Variants in ZNF609 observed in about 807,000 individuals in gnomAD.
ZNF609 encodes zinc finger protein 609.
In ZNF609, 11 loss-of-function variants were observed where a neutral mutation model predicts 109.5. The ratio of observed to expected loss-of-function variants is 0.10; its 90% CI spans 0.06 to 0.17. ZNF609 has a LOEUF of 0.17. Among genes scored for constraint, ZNF609 ranks in the 10% least tolerant of loss-of-function variants. The probability of loss-of-function intolerance (pLI) is 1.00; values close to 1 mark genes in which losing one functional copy is unlikely to be tolerated. For synonymous variants in ZNF609, 646 were observed against 662.0 expected, an observed-to-expected ratio of 0.98 and a Z score of 0.37; for missense variants, 1,559 against 1,772.4, an observed-to-expected ratio of 0.88 and a Z score of 2.16.
chr15:64,561,879 A>G (rs543239038), intron 2 of ZNF609, among the ~76,000 whole-genome samples: 4 of 152,326 alleles, frequency 2.6e-5, no homozygotes, highest in African/African-American at 9.6e-5. Context: ...AAGTCATTCA[A>G]TTATTTTTCA....
At chr15:64,679,299 C>T (rs1256587903) in intron 6 of ZNF609, among the ~76,000 whole-genome samples, 3 of 152,116 alleles carry the variant, frequency 2.0e-5, no homozygotes, top group Non-Finnish European at 4.4e-5. Context: ...CTTGAACTCC[C>T]GACCTCAGGT....
At chr15:64,529,499 C>T (rs1894023333) in intron 2 of ZNF609, 1 of 1,124,362 alleles carries the variant, frequency 8.9e-7, no homozygotes, top group African/African-American at 1.5e-5. Context: ...TTGACGGTGC[C>T]ATGGAATTTG....
chr15:64,635,539 C>G (rs1321902197), intron 3 of ZNF609, among the ~76,000 whole-genome samples: 6 of 152,136 alleles, frequency 3.9e-5, no homozygotes, highest in Admixed American at 1.3e-4. Flanking sequence ...ATTTACAACT[C>G]TGTAATCATT....
intron 1 of ZNF609, among the ~76,000 whole-genome samples, chr15:64,464,328 T>C (rs927667780): frequency 6.6e-6 from 1 of 152,214 alleles, no homozygotes; most frequent in African/African-American, 2.4e-5. Context: ...AGCAATGATA[T>C]GTGTTCTCCA....
At chr15:64,539,454 G>A (rs907753120) in intron 2 of ZNF609, among the ~76,000 whole-genome samples, 12 of 151,380 alleles carry the variant, frequency 7.9e-5, no homozygotes, top group African/African-American at 1.9e-4. Flanking sequence ...TGATCCACCC[G>A]CCTTGGCCTC....
chr15:64,559,425 G>T (rs1397176469), intron 2 of ZNF609, among the ~76,000 whole-genome samples: 1 of 152,196 alleles, frequency 6.6e-6, no homozygotes, highest in Non-Finnish European at 1.5e-5. Context: ...GAGCCCCTGG[G>T]GTGTGTAGCA....
At chr15:64,463,982 T>C (rs1892977049) in intron 1 of ZNF609, among the ~76,000 whole-genome samples, 1 of 152,132 alleles carries the variant, frequency 6.6e-6, no homozygotes, top group Non-Finnish European at 1.5e-5. Flanking sequence ...ACAAGGAATC[T>C]CATGTGAGTC....
chr15:64,509,371 G>A (rs1484152305), intron 2 of ZNF609, among the ~76,000 whole-genome samples: 1 of 152,218 alleles, frequency 6.6e-6, no homozygotes, highest in African/African-American at 2.4e-5. Flanking sequence ...AAAGAGTTAA[G>A]CATTCAGCAC....
chr15:64,563,393 G>A (rs1360538333), intron 2 of ZNF609, among the ~76,000 whole-genome samples: 3 of 151,144 alleles, frequency 2.0e-5, no homozygotes, highest in African/African-American at 7.3e-5. Context: ...CGAGGCTGCA[G>A]TGAGCCATGA....
chr15:64,675,924 A>G lies in ZNF609; in HGVS notation c.3070A>G (p.Lys1024Glu), dbSNP rs1270217011. Residue 1024 changes from lysine to glutamate, a missense_variant, in exon 5 of 10, where the codon AAG becomes GAG. Lys to Glu is a moderately conservative substitution (Grantham distance 56). Around this residue, in one of 4 missense-constraint regions of ZNF609, gnomAD observed 1,204 missense variants for 1,314.1 expected, o/e 0.92. Coordinates refer to ENST00000326648, the MANE Select transcript of ZNF609 (RefSeq NM_015042.2). Reference sequence around the variant, plus strand: ...GCAGCAGCAGCGGGGAGTGGACAAGAAGGCAGAGATGGGCCTGAAGGAGCG... The same window carrying G: ...GCAGCAGCAGCGGGGAGTGGACAAGGAGGCAGAGATGGGCCTGAAGGAGCG... Reference protein sequence around the residue: ...LEQQQRGVDKKAEMGLKEREA... With the variant: ...LEQQQRGVDKEAEMGLKEREA... 10 of 1,614,078 alleles carry G rather than the reference A, an allele frequency of 6.2e-6. No homozygotes were observed. The highest frequency in any genetic ancestry group is 7.6e-6 in the Non-Finnish European group (9 of 1,180,040).
chr15:64,468,486 A>G (rs1290534078), intron 1 of ZNF609, among the ~76,000 whole-genome samples: 4 of 151,850 alleles, frequency 2.6e-5, no homozygotes, highest in Non-Finnish European at 5.9e-5. Context: ...TCCTGGGCTC[A>G]AGCCATCCTC....
intron 2 of ZNF609, chr15:64,500,582 G>T (rs1449569296): frequency 3.3e-6 from 2 of 600,996 alleles, no homozygotes; most frequent in Non-Finnish European, 5.9e-6. Context: ...TGGTGATAAT[G>T]TAGATTGAGT....
chr15:64,624,001 G>T (rs1478578092), intron 3 of ZNF609, among the ~76,000 whole-genome samples: 1 of 152,108 alleles, frequency 6.6e-6, no homozygotes, highest in African/African-American at 2.4e-5. Flanking sequence ...GAGCTATTTT[G>T]TCAGTCTGCC....
intron 2 of ZNF609, among the ~76,000 whole-genome samples, chr15:64,550,534 T>C (rs928242839): frequency 1.3e-5 from 2 of 150,538 alleles, no homozygotes; most frequent in African/African-American, 4.9e-5. Flanking sequence ...TTTTTAAAAA[T>C]AAATAATTAA....
chr15:64,538,550 A>G (rs1894191830), intron 2 of ZNF609, among the ~76,000 whole-genome samples: 1 of 151,870 alleles, frequency 6.6e-6, no homozygotes, highest in African/African-American at 2.4e-5. Context: ...TTTATTATTT[A>G]TTTTTATTTT....
At chr15:64,495,396 G>T (rs772360971) in intron 1 of ZNF609, among the ~76,000 whole-genome samples, 6 of 151,916 alleles carry the variant, frequency 3.9e-5, no homozygotes, top group African/African-American at 7.3e-5. Flanking sequence ...TTTTTTGTTT[G>T]CTGGTTGAAT....
rs191611574 is a variant in ZNF609, at chr15:64,537,510, A to G, written c.747+37344A>G. Reference sequence around the variant, plus strand: ...AGAGTGAAACTCTGTCTCAAAAAAAAAAAAAGAAAAAGAAAAAAAAGAGCA... The same window carrying G: ...AGAGTGAAACTCTGTCTCAAAAAAAGAAAAAGAAAAAGAAAAAAAAGAGCA... On this transcript the variant is annotated intron_variant, in intron 2 of 9. Transcript: ENST00000326648. 6.0e-3 allele frequency among the ~76,000 whole-genome samples: 911 copies of G among 151,896 alleles called. 6 individuals are homozygous for G. The highest frequency in any genetic ancestry group is 0.012 in the South Asian group (60 of 4,828).
chr15:64,507,941 A>G lies in ZNF609; in HGVS notation c.747+7775A>G, dbSNP rs147561005. Reference sequence around the variant, plus strand: ...TCATGGTTCAGAGCACCCACAGAAGAACCTTTCCTGGCTGACCGAGGAGAC... The same window carrying G: ...TCATGGTTCAGAGCACCCACAGAAGGACCTTTCCTGGCTGACCGAGGAGAC... On this transcript the variant is annotated intron_variant, in intron 2 of 9. Transcript: ENST00000326648. 4.2e-3 allele frequency among the ~76,000 whole-genome samples: 644 copies of G among 152,294 alleles called. 9 individuals carry two copies. Among genetic ancestry groups the G allele is most frequent in the African/African-American group, 0.015 (612 of 41,562 alleles).
chr15:64,609,064 T>C (rs7497606), intron 2 of ZNF609, among the ~76,000 whole-genome samples: 1,716 of 118,966 alleles, frequency 0.014, 35 homozygotes, highest in South Asian at 0.029. Flanking sequence ...TAGTTTTAAT[T>C]TTTCTTTCTT....
Sources: gnomAD v4.1 joint callset for allele counts (sites outside exome capture counted in the v4.1 genomes callset) on GRCh38, gnomAD v4.1.1 for gene constraint, gnomAD v4.1.1 regional missense constraint, MANE v1.5 for transcripts, NCBI Gene and HGNC (gene_info 2026-07-23, HGNC 2026-07-21) for gene names.